The following COBLL1 variants were observed in gnomAD, a reference collection of about 807,000 sequenced individuals.
The protein encoded by COBLL1 is cordon-bleu WH2 repeat protein like 1, also known as cordon-bleu protein-like 1.
A neutral mutation model predicts 94.8 loss-of-function variants in COBLL1; 50 were observed. That is an observed-to-expected ratio of 0.53 (90% CI 0.42 to 0.67). The LOEUF is 0.67. Ranked by LOEUF, COBLL1 falls within the 30% of genes least tolerant of loss-of-function variation. COBLL1 has a pLI of 0.00. For missense variants in COBLL1, 1,362 were observed against 1,348.7 expected, an observed-to-expected ratio of 1.01 and a Z score of -0.15; for synonymous variants, 448 against 473.8, an observed-to-expected ratio of 0.95 and a Z score of 0.71.
chr2:164,740,893 GA>G (rs536337891), intron 3 of COBLL1, among the ~76,000 whole-genome samples: 71 of 150,872 alleles, frequency 4.7e-4, no homozygotes, highest in South Asian at 1.0e-3. Context: ...ACGAGGGGGG[GA>G]AAAGTTCATA....
intron 13 of COBLL1, among the ~76,000 whole-genome samples, chr2:164,691,928 G>A (rs568443726): frequency 2.0e-5 from 3 of 152,136 alleles, no homozygotes; most frequent in South Asian, 2.1e-4. Context: ...AGTCTTTCTC[G>A]AGGTGCTAAC....
chr2:164,811,737 A>G, intron 2 of COBLL1, among the ~76,000 whole-genome samples: 1 of 152,012 alleles, frequency 6.6e-6, no homozygotes, highest in Non-Finnish European at 1.5e-5. Flanking sequence ...AAAAAAGTAT[A>G]TTTAGGTTTC....
At chr2:164,735,607 C>T (rs1043472226) in intron 3 of COBLL1, among the ~76,000 whole-genome samples, 3 of 151,850 alleles carry the variant, frequency 2.0e-5, no homozygotes, top group African/African-American at 4.8e-5. Context: ...TTAAGCAGGT[C>T]GTGCTTCCAA....
intron 2 of COBLL1, among the ~76,000 whole-genome samples, chr2:164,828,872 A>C (rs182304235): frequency 3.4e-3 from 517 of 152,324 alleles, no homozygotes; most frequent in African/African-American, 0.011. Flanking sequence ...AAAATATTTA[A>C]AATTGCATTT....
At chr2:164,823,893 T>C (rs1052350890) in intron 2 of COBLL1, among the ~76,000 whole-genome samples, 5 of 152,124 alleles carry the variant, frequency 3.3e-5, no homozygotes, top group Admixed American at 2.6e-4. Flanking sequence ...AATGATTTCA[T>C]TGGAAACTGC....
chr2:164,798,093 C>A (rs1315412609), intron 2 of COBLL1, among the ~76,000 whole-genome samples: 1 of 152,140 alleles, frequency 6.6e-6, no homozygotes, highest in Non-Finnish European at 1.5e-5. Flanking sequence ...AATGTATTTG[C>A]ACCAGTTACA....
chr2:164,805,644 T>C (rs1239333069), intron 2 of COBLL1, among the ~76,000 whole-genome samples: 2 of 151,974 alleles, frequency 1.3e-5, no homozygotes, highest in Non-Finnish European at 2.9e-5. Context: ...GGTTGCTCCA[T>C]GTCTGTTCAT....
chr2:164,829,471 A>G (rs932472475), intron 2 of COBLL1, among the ~76,000 whole-genome samples: 1 of 152,132 alleles, frequency 6.6e-6, no homozygotes, highest in African/African-American at 2.4e-5. Flanking sequence ...TTACATTTCC[A>G]TTTAGCAAAG....
At position 164,722,150 on chromosome 2, in the gene COBLL1, G is replaced by A. The variant is rs536171497; in HGVS notation, c.921C>T (p.Pro307=). The change falls in exon 7 of 14, where the codon CCC becomes CCT. Residue 307 remains proline, a synonymous_variant. Coordinates refer to ENST00000652658, the MANE Select transcript of COBLL1 (RefSeq NM_001365672.2). ...LPPMPASQSV[P]QDLAHIQERP... is the part of the protein sequence containing the mutation. ...TCTCCTGGATGTGTGCAAGGTCTTG[G>A]GGGACACTCTGAGATGCTGGCATCG... The A allele has an allele frequency of 6.2e-7, 1 of 1,614,078 alleles. No homozygotes were observed. The highest frequency in any genetic ancestry group is 1.7e-5 in the Admixed American group (1 of 60,024).
At chr2:164,809,213 A>T (rs908943526) in intron 2 of COBLL1, among the ~76,000 whole-genome samples, 1 of 152,102 alleles carries the variant, frequency 6.6e-6, no homozygotes, top group Non-Finnish European at 1.5e-5. Flanking sequence ...ATCACAGTTG[A>T]AAGATATGTG....
At chr2:164,662,670 C>T (rs1691090418) in intron 2 of COBLL1, among the ~76,000 whole-genome samples, 1 of 152,066 alleles carries the variant, frequency 6.6e-6, no homozygotes, top group African/African-American at 2.4e-5. Flanking sequence ...ACCATTATCC[C>T]TTTGGTGCTG....
intron 2 of COBLL1, among the ~76,000 whole-genome samples, chr2:164,662,058 T>C (rs1016608016): frequency 6.6e-6 from 1 of 152,176 alleles, no homozygotes; most frequent in South Asian, 2.1e-4. Context: ...GTTTTTAATA[T>C]AGAGAAATTC....
At chr2:164,739,587 T>C (rs553871633) in intron 3 of COBLL1, among the ~76,000 whole-genome samples, 1 of 152,316 alleles carries the variant, frequency 6.6e-6, no homozygotes, top group East Asian at 1.9e-4. Flanking sequence ...ACAAGAAATA[T>C]TCAGACAAAT....
intron 3 of COBLL1, among the ~76,000 whole-genome samples, chr2:164,734,857 C>T (rs577528511): frequency 4.0e-4 from 61 of 152,128 alleles, no homozygotes; most frequent in Non-Finnish European, 7.8e-4. Flanking sequence ...GTTCTGGTAG[C>T]CTTGGGAGGT....
chr2:164,811,147 A>G (rs1316633449), intron 2 of COBLL1, among the ~76,000 whole-genome samples: 1 of 151,952 alleles, frequency 6.6e-6, no homozygotes, highest in Non-Finnish European at 1.5e-5. Context: ...GAATCTGAAC[A>G]AGTTTAAGAC....
chr2:164,706,867 T>C (rs770137360), intron 7 of COBLL1, among the ~76,000 whole-genome samples: 12 of 152,336 alleles, frequency 7.9e-5, no homozygotes, highest in Non-Finnish European at 1.6e-4. Flanking sequence ...AAAAGGATCC[T>C]ATTAAAATGT....
rs149700666 is a variant in COBLL1, at chr2:164,740,082, T to C, written c.230+3605A>G. Among the ~76,000 whole-genome samples the C allele has an allele frequency of 4.6e-4, 70 of 152,306 alleles. No individual in the cohort carries two copies. The East Asian group carries it at 0.013, about 29-fold the overall frequency. On this transcript the variant is annotated intron_variant, in intron 3 of 13. Coordinates refer to ENST00000652658, the MANE Select transcript of COBLL1 (RefSeq NM_001365672.2). ...AACACTTAAAATAGAAAATTAGTCATAGCATCAATGAGTCATGCCTGAATT... is the reference window on the plus strand; with the variant it reads ...AACACTTAAAATAGAAAATTAGTCACAGCATCAATGAGTCATGCCTGAATT...
intron 13 of COBLL1, chr2:164,687,768 T>C (rs952657382): frequency 1.1e-5 from 6 of 532,640 alleles, no homozygotes; most frequent in African/African-American, 7.5e-5. Context: ...GTACACTTAA[T>C]TGACTGCAGA....
At chr2:164,687,887 A>G in intron 13 of COBLL1, 1 of 241,696 alleles carries the variant, frequency 4.1e-6, no homozygotes, top group Non-Finnish European at 8.2e-6. Context: ...TGTGAAGGAG[A>G]AAATTTGTTT....
Sources: allele counts gnomAD v4.1 joint callset (sites outside exome capture counted in the v4.1 genomes callset), GRCh38; gene constraint gnomAD v4.1.1; transcripts MANE v1.5; gene names NCBI Gene and HGNC (gene_info 2026-07-23, HGNC 2026-07-21).